ZPLD1: variants seen among roughly 807,000 people sequenced by gnomAD.
ZPLD1 encodes the protein zona pellucida like domain containing 1, also known as zona pellucida-like domain-containing protein 1.
A neutral mutation model predicts 47.2 loss-of-function variants in ZPLD1; 34 were observed. The ratio of observed to expected loss-of-function variants is 0.72; its 90% CI spans 0.55 to 0.96. The LOEUF is 0.96. Ranked by LOEUF, ZPLD1 falls within the 40% of genes least tolerant of loss-of-function variation. The probability of loss-of-function intolerance (pLI) is 0.00; values close to 1 mark genes in which losing one functional copy is unlikely to be tolerated. For missense variants in ZPLD1, 512 were observed against 505.8 expected (o/e 1.01, Z -0.12); for synonymous variants, 176 against 186.2 (o/e 0.95, Z 0.45).
intron 6 of ZPLD1, chr3:102,392,154 T>C (rs1222885345): frequency 1.3e-5 from 2 of 152,184 alleles, no homozygotes; most frequent in African/African-American, 2.4e-5. Flanking sequence ...TGTTCCACAA[T>C]ACCCTCTTCT....
In ZPLD1 at chr3:102,435,240, T is replaced by C. The variant is rs932505906; in HGVS notation, c.-123+86T>C. On this transcript the variant is annotated intron_variant, in intron 1 of 11. Transcript: ENST00000466937. The stretch of plus-strand genomic sequence containing the variant: ...TTGAACTATAAAGAAGGCTTGAAAA[T>C]GTCGTAAGCCCTGCCAAGACTATAG... 1.5e-5 allele frequency: 22 copies of C among 1,459,968 alleles called. No homozygotes were observed. In the South Asian group the frequency reaches 1.8e-4, roughly 12 times the overall value. 90.4% of individuals were successfully genotyped at this position (1,459,968 alleles called of 1,614,324 possible). A position where few individuals can be genotyped will look rare whatever the true frequency, so the allele number is the denominator to read the frequency against.
At chr3:102,433,652 C>T (rs1032273263), upstream of ZPLD1, among the ~76,000 whole-genome samples, 1 of 152,118 alleles carries the variant, frequency 6.6e-6, no homozygotes, top group African/African-American at 2.4e-5. Flanking sequence ...CTCAGCCTCC[C>T]GAGTAACTGG....
intron 8 of ZPLD1, among the ~76,000 whole-genome samples, chr3:102,464,520 G>A (rs1707563266): frequency 6.6e-6 from 1 of 152,114 alleles, no homozygotes; most frequent in Admixed American, 6.6e-5. Flanking sequence ...TAGGAATATG[G>A]GAATATTTCA....
At chr3:102,392,915 G>A (rs530207809) in intron 7 of ZPLD1, among the ~76,000 whole-genome samples, 18 of 152,220 alleles carry the variant, frequency 1.2e-4, no homozygotes, top group African/African-American at 4.3e-4. Context: ...TATTTTGGAT[G>A]TTATATAACT....
intron 6 of ZPLD1, among the ~76,000 whole-genome samples, chr3:102,386,659 T>C (rs1470842379): frequency 6.6e-6 from 1 of 152,126 alleles, no homozygotes; most frequent in African/African-American, 2.4e-5. Context: ...AAAGTTAGGC[T>C]TCTGAAGCAA....
At chr3:102,391,678 C>T (rs1706497090) in intron 6 of ZPLD1, among the ~76,000 whole-genome samples, 1 of 152,070 alleles carries the variant, frequency 6.6e-6, no homozygotes, top group Non-Finnish European at 1.5e-5. Flanking sequence ...AGCTGAACCA[C>T]TCCAACTGAC....
chr3:102,390,097 A>C (rs1251697587), intron 6 of ZPLD1, among the ~76,000 whole-genome samples: 6 of 152,198 alleles, frequency 3.9e-5, no homozygotes, highest in Non-Finnish European at 5.9e-5. Context: ...TAATAACCAG[A>C]TATAACTTGA....
At chr3:102,388,155 C>T (rs1318706289) in intron 6 of ZPLD1, among the ~76,000 whole-genome samples, 5 of 152,042 alleles carry the variant, frequency 3.3e-5, no homozygotes, top group East Asian at 1.9e-4. Flanking sequence ...CCACCATGCC[C>T]GGCCTCAGTT....
At chr3:102,444,929 A>ACTCTACC (rs1707234919) in intron 3 of ZPLD1, among the ~76,000 whole-genome samples, 1 of 151,996 alleles carries the variant, frequency 6.6e-6, no homozygotes, top group African/African-American at 2.4e-5. Flanking sequence ...TGGACTAGCC[A>ACTCTACC]CTCTACCCCC....
rs916858882 is a variant in ZPLD1 at position 102,464,329 on chromosome 3, G to A, written c.761+78G>A. 3.8e-6 allele frequency: 4 copies of A among 1,049,148 alleles called. No individual in the cohort carries two copies. In the African/African-American group the frequency reaches 6.4e-5, roughly 17 times the overall value. The allele number at this position is 1,049,148 out of a possible 1,614,324, so 65.0% of individuals were successfully genotyped here. On this transcript the variant is annotated intron_variant, in intron 8 of 11. Coordinates refer to ENST00000466937, the MANE Select transcript of ZPLD1 (RefSeq NM_001329788.2). ...TAATTGAAATGGAATATCTAAGTCAGATAAATTATAAAGCACTATTATAGC... is the reference window on the plus strand; with the variant it reads ...TAATTGAAATGGAATATCTAAGTCAAATAAATTATAAAGCACTATTATAGC...
rs747073280 is a variant in ZPLD1, at chr3:102,457,842, C to A, written c.571C>A (p.Leu191Ile). 6 of 1,613,780 alleles carry A rather than the reference C, an allele frequency of 3.7e-6. No individual in the cohort carries two copies. The highest frequency in any genetic ancestry group is 4.5e-5 in the East Asian group (2 of 44,818). Residue 191 changes from leucine to isoleucine, a missense_variant, in exon 6 of 12, where the codon CTC becomes ATC. By Grantham distance (5) the Leu-to-Ile change is conservative (BLOSUM62 2). Coordinates refer to ENST00000466937, the MANE Select transcript of ZPLD1 (RefSeq NM_001329788.2). The stretch of plus-strand genomic sequence containing the variant: ...CACATTTGTCAGCACTTTGAACCTG[C>A]TCCTTTATAACGTAAGTTGATGGGT... ...NGTFVSTLNL[L>I]LYNDSTYNQQ...
chr3:102,434,218 CAG>C (rs1380141981), upstream of ZPLD1, among the ~76,000 whole-genome samples: 1 of 152,072 alleles, frequency 6.6e-6, no homozygotes, highest in Non-Finnish European at 1.5e-5. Flanking sequence ...CATACAGTAA[CAG>C]ATCTCAATAA....
At chr3:102,473,471 C>T (rs1036896173) in intron 10 of ZPLD1, among the ~76,000 whole-genome samples, 2 of 152,172 alleles carry the variant, frequency 1.3e-5, no homozygotes, top group African/African-American at 4.8e-5. Context: ...TATTGCCCAA[C>T]ATGCTAGAGT....
intron 7 of ZPLD1, among the ~76,000 whole-genome samples, chr3:102,403,883 G>A (rs1706652772): frequency 6.8e-6 from 1 of 147,206 alleles, no homozygotes; most frequent in Non-Finnish European, 1.5e-5. Flanking sequence ...GATCACTACA[G>A]ATGAACAAGA....
chr3:102,419,710 T>C (rs938719344), intron 8 of ZPLD1, among the ~76,000 whole-genome samples: 10 of 151,994 alleles, frequency 6.6e-5, no homozygotes, highest in South Asian at 2.1e-4. Context: ...ATGCTCATAT[T>C]GTAATCTATT....
intron 11 of ZPLD1, 135 bp downstream of exon 11, chr3:102,477,176 C>A: frequency 9.5e-7 from 1 of 1,050,446 alleles, no homozygotes; most frequent in Non-Finnish European, 1.4e-6. Flanking sequence ...TGAGGGTTTT[C>A]AAACTCATAT....
chr3:102,453,219 C>T, intron 4 of ZPLD1, 80 bp downstream of exon 4: 1 of 1,256,480 alleles, frequency 8.0e-7, no homozygotes, highest in Non-Finnish European at 1.1e-6. Context: ...ATAAGATGCC[C>T]AATCTATCTC....
rs1201380276 is a variant in ZPLD1, at chr3:102,456,336, T to C, written c.471T>C (p.Tyr157=). ...PGLLYKFSCS[Y]PLEYLVNNTQ... ...TTCTTTACAAATTTAGTTGTAGTTA[T>C]CCATTGGAATACCTGGTTAATAATA... is the stretch of plus-strand genomic sequence containing the variant. The change falls in exon 5 of 12, where the codon TAT becomes TAC. Residue 157 remains tyrosine (Y), a synonymous_variant. Transcript: ENST00000466937. The C allele has an allele frequency of 6.2e-7, 1 of 1,613,676 alleles. No individual in the cohort carries two copies. Among genetic ancestry groups the C allele is most frequent in the East Asian group, 2.2e-5 (1 of 44,788 alleles).
At chr3:102,386,020 GTC>G (rs893348381) in intron 6 of ZPLD1, among the ~76,000 whole-genome samples, 13 of 152,232 alleles carry the variant, frequency 8.5e-5, no homozygotes, top group Middle Eastern at 3.4e-3. Context: ...AACCGGTAGT[GTC>G]TCTGTGTTGA....
Sources: gnomAD v4.1 joint callset for allele counts (sites outside exome capture counted in the v4.1 genomes callset) on GRCh38, gnomAD v4.1.1 for gene constraint, MANE v1.5 for transcripts, NCBI Gene and HGNC (gene_info 2026-07-23, HGNC 2026-07-21) for gene names.